AHI1: variants seen among roughly 807,000 people sequenced by gnomAD.
The protein encoded by AHI1 is Abelson helper integration site 1.
In AHI1, 123 loss-of-function variants were observed where a neutral mutation model predicts 149.3. The observed-to-expected ratio is 0.82, with a 90% CI of 0.71 to 0.96. The LOEUF (loss-of-function observed/expected upper bound fraction) is 0.96, where lower values mean the gene tolerates loss of function less well. AHI1 is among the 40% of genes least tolerant of loss of function. The pLI, the probability that AHI1 is intolerant of heterozygous loss-of-function variation, is 0.00. For synonymous variants in AHI1, 475 were observed against 459.8 expected, an observed-to-expected ratio of 1.03 and a Z score of -0.42; for missense variants, 1,439 against 1,422.7, an observed-to-expected ratio of 1.01 and a Z score of -0.18.
At chr6:135,369,407 C>G (rs1774697313) in intron 23 of AHI1, among the ~76,000 whole-genome samples, 1 of 152,198 alleles carries the variant, frequency 6.6e-6, no homozygotes. Context: ...GTGGGAGCTG[C>G]AAGTTAGTCC....
At chr6:135,357,819 T>C (rs1188472343) in intron 24 of AHI1, among the ~76,000 whole-genome samples, 2 of 152,180 alleles carry the variant, frequency 1.3e-5, no homozygotes, top group African/African-American at 2.4e-5. Flanking sequence ...TAAAGCAAAG[T>C]AACCTATAAG....
At chr6:135,396,339 C>T (rs1453633977) in intron 22 of AHI1, among the ~76,000 whole-genome samples, 4 of 151,696 alleles carry the variant, frequency 2.6e-5, no homozygotes, top group African/African-American at 9.7e-5. Context: ...GCTTCACTTT[C>T]CATCTTTAAA....
chr6:135,492,607 T>C, intron 3 of AHI1: 2 of 985,422 alleles, frequency 2.0e-6, no homozygotes, highest in Non-Finnish European at 2.4e-6. Context: ...TTTAATACAT[T>C]AATGAACATT....
chr6:135,323,015 T>G, intron 25 of AHI1, 147 bp downstream of exon 25: 1 of 862,006 alleles, frequency 1.2e-6, no homozygotes. Context: ...CTTTTTATTT[T>G]TTTACATCAT....
At chr6:135,366,493 T>C (rs113903557) in intron 23 of AHI1, among the ~76,000 whole-genome samples, 5,149 of 152,242 alleles carry the variant, frequency 0.034, 262 homozygotes, top group African/African-American at 0.11. Context: ...AGAGTTTCTA[T>C]TTTTATGCTG....
At chr6:135,475,984 T>C (rs1380608340) in intron 5 of AHI1, among the ~76,000 whole-genome samples, 1 of 152,130 alleles carries the variant, frequency 6.6e-6, no homozygotes, top group Admixed American at 6.5e-5. Flanking sequence ...ATTTATACTC[T>C]TCTTATTTCT....
chr6:135,429,827 TAATTC>T (rs1583192668), intron 18 of AHI1, 50 bp downstream of exon 18: 2 of 1,051,306 alleles, frequency 1.9e-6, no homozygotes, highest in African/African-American at 3.2e-5. Flanking sequence ...AAATATAATT[TAATTC>T]ATTACTTACT....
intron 7 of AHI1, among the ~76,000 whole-genome samples, chr6:135,464,159 A>G (rs1790369795): frequency 6.6e-6 from 1 of 152,112 alleles, no homozygotes; most frequent in African/African-American, 2.4e-5. Flanking sequence ...TAAAAAATTA[A>G]TTTCCAATAT....
chr6:135,418,729 G>A (rs1181638763), intron 20 of AHI1, among the ~76,000 whole-genome samples: 1 of 151,890 alleles, frequency 6.6e-6, no homozygotes. Context: ...TTGGTTCACC[G>A]TTTAATTCCT....
rs745769870 is a variant in AHI1, at chr6:135,433,219, T to C, written c.2074A>G (p.Arg692Gly). ...KNEINNTNTF[R>G]VLPHPSFVYT... ...ACAAAAGAAGGATGAGGTAAAACTC[T>C]GAAAGTATTTGTATTGTTTATTTCA... The change falls in exon 16 of 29, where the codon AGA (arginine) becomes GGA (glycine). Residue 692 changes from arginine to glycine, a missense_variant. Arg to Gly is a moderately radical substitution (Grantham distance 125). Transcript: ENST00000265602. The C allele has an allele frequency of 1.9e-5, 31 of 1,610,318 alleles. No individual in the cohort carries two copies. Among genetic ancestry groups the C allele is most frequent in the Non-Finnish European group, 2.5e-5 (29 of 1,176,850 alleles).
At chr6:135,410,278 G>A (rs1019935056) in intron 21 of AHI1, among the ~76,000 whole-genome samples, 1 of 152,168 alleles carries the variant, frequency 6.6e-6, no homozygotes, top group East Asian at 1.9e-4. Context: ...TCAGAGGCAG[G>A]AGAATTGCTT....
intron 21 of AHI1, among the ~76,000 whole-genome samples, chr6:135,408,237 T>C (rs1343275278): frequency 6.6e-6 from 1 of 152,078 alleles, no homozygotes; most frequent in East Asian, 1.9e-4. Flanking sequence ...AATCTGTTGG[T>C]GAGTTGTTTT....
chr6:135,397,813 G>A (rs951633773), intron 22 of AHI1, among the ~76,000 whole-genome samples: 2 of 151,910 alleles, frequency 1.3e-5, no homozygotes, highest in African/African-American at 4.8e-5. Context: ...TAGATAACAC[G>A]CTACATTCAC....
chr6:135,472,186 A>G (rs1240299448), intron 5 of AHI1, among the ~76,000 whole-genome samples: 1 of 152,130 alleles, frequency 6.6e-6, no homozygotes, highest in Non-Finnish European at 1.5e-5. Context: ...CCTGTTACAC[A>G]GTCAATGCCT....
Position 135,290,406 on chromosome 6 carries a change from A to C in AHI1, c.3588+17T>G, listed in dbSNP as rs527546069. ...TGTTGACAACATAGCGCAACTTTCT[A>C]TTGGTTTTCCCCTTACCTCTATTAG... On this transcript the variant is annotated intron_variant, in intron 28 of 28. Transcript: ENST00000265602. The C allele has an allele frequency of 3.5e-6, 5 of 1,411,438 alleles. No individual in the cohort carries two copies. The highest frequency in any genetic ancestry group is 4.0e-6 in the Non-Finnish European group (4 of 996,242). 87.4% of individuals were successfully genotyped at this position (1,411,438 alleles called of 1,614,324 possible).
chr6:135,489,988 G>A, intron 5 of AHI1: 1 of 449,774 alleles, frequency 2.2e-6, no homozygotes, highest in Non-Finnish European at 3.9e-6. Flanking sequence ...GTAGTAAAAA[G>A]TGCAACTCAA....
intron 26 of AHI1, chr6:135,302,862 A>T: frequency 8.0e-7 from 1 of 1,253,470 alleles, no homozygotes. Flanking sequence ...ATCAGCCCGC[A>T]AATAACCCCC....
rs931308400 is a variant in AHI1 at position 135,442,859 on chromosome 6, T to C, written c.1780-145A>G. On this transcript the variant is annotated intron_variant, in intron 13 of 28. Coordinates refer to ENST00000265602, the MANE Select transcript of AHI1 (RefSeq NM_001134831.2). ...AAGTACGCAGAATGGTGAAAAACCA[T>C]AGTAAATTGCTTTGTAAAAAGAGAA... 4.6e-5 allele frequency: 36 copies of C among 789,162 alleles called. 1 individual carries two copies. The Middle Eastern group carries it at 1.6e-3, about 34-fold the overall frequency. 48.9% of individuals were successfully genotyped at this position (789,162 alleles called of 1,614,324 possible).
intron 28 of AHI1, among the ~76,000 whole-genome samples, chr6:135,285,919 A>C (rs192619811): frequency 5.5e-4 from 84 of 152,346 alleles, no homozygotes; most frequent in African/African-American, 1.9e-3. Flanking sequence ...AAAGAAATAA[A>C]ATCCCCAAAT....
Sources: allele counts gnomAD v4.1 joint callset (sites outside exome capture counted in the v4.1 genomes callset), GRCh38; gene constraint gnomAD v4.1.1; transcripts MANE v1.5; gene names NCBI Gene and HGNC (gene_info 2026-07-23, HGNC 2026-07-21).